Variants in RSPH4A observed in about 807,000 individuals in gnomAD.
The protein encoded by RSPH4A is radial spoke head protein 4 homolog A.
A neutral mutation model predicts 71.0 loss-of-function variants in RSPH4A; 47 were observed. That is an observed-to-expected ratio of 0.66 (90% CI 0.52 to 0.84). The LOEUF is 0.84. Among genes scored for constraint, RSPH4A ranks in the 40% least tolerant of loss-of-function variants. The probability of loss-of-function intolerance (pLI) is 0.00; values close to 1 mark genes in which losing one functional copy is unlikely to be tolerated. For synonymous variants in RSPH4A, 282 were observed against 302.3 expected (o/e 0.93, Z 0.70); for missense variants, 793 against 855.2 (o/e 0.93, Z 0.91).
In RSPH4A at chr6:116,616,524, A is replaced by G; in HGVS notation, c.-100A>G. Reference sequence around the variant, plus strand: ...CTCACAGAGCAACCAGGACCCAGAAATCGCTTAAGAGACCGCGGCAAAGTA... The same window carrying G: ...CTCACAGAGCAACCAGGACCCAGAAGTCGCTTAAGAGACCGCGGCAAAGTA... On this transcript the variant is annotated 5_prime_UTR_variant, in exon 1 of 6. Transcript: ENST00000229554. 1 of 1,044,460 alleles carries G rather than the reference A, an allele frequency of 9.6e-7. No individual in the cohort carries two copies. Among genetic ancestry groups the G allele is most frequent in the Non-Finnish European group, 1.5e-6 (1 of 688,676 alleles). The allele number at this position is 1,044,460 out of a possible 1,614,324, so 64.7% of individuals were successfully genotyped here.
At position 116,630,565 on chromosome 6, in the gene RSPH4A, C is replaced by G. The variant is rs1370698700; in HGVS notation, c.1916+13C>G. On this transcript the variant is annotated intron_variant, in intron 5 of 5. Coordinates refer to ENST00000229554, the MANE Select transcript of RSPH4A (RefSeq NM_001010892.3). ...TCTCCAATGGCAAGTAAGTATCTGA[C>G]CACTTACAAAGCCATTTCTGTGATT... The G allele has an allele frequency of 8.0e-7, 1 of 1,242,700 alleles. No individual in the cohort carries two copies. The highest frequency in any genetic ancestry group is 1.2e-5 in the South Asian group (1 of 83,646). The allele number at this position is 1,242,700 out of a possible 1,614,324, so 77.0% of individuals were successfully genotyped here.
chr6:116,632,426 A>G lies in RSPH4A; in HGVS notation c.2136A>G (p.Glu712=). The part of the protein sequence containing the change: ...NEESEEDEDE[E]DDYD ...AATCTGAGGAAGATGAAGATGAGGAAGATGATTATGACTAATAAACATAAA... is the reference window on the plus strand; with the variant it reads ...AATCTGAGGAAGATGAAGATGAGGAGGATGATTATGACTAATAAACATAAA... The change falls in exon 6 of 6, where the codon GAA becomes GAG. Residue 712 remains glutamate (E), a synonymous_variant. Coordinates refer to ENST00000229554, the MANE Select transcript of RSPH4A (RefSeq NM_001010892.3). The G allele has an allele frequency of 6.2e-7, 1 of 1,613,138 alleles. No individual in the cohort carries two copies. The highest frequency in any genetic ancestry group is 8.5e-7 in the Non-Finnish European group (1 of 1,179,524).
In RSPH4A at chr6:116,627,815, G is replaced by A; in HGVS notation, c.1108G>A (p.Glu370Lys). 1 of 1,614,156 alleles carries A rather than the reference G, an allele frequency of 6.2e-7. No individual in the cohort carries two copies. The highest frequency in any genetic ancestry group is 8.5e-7 in the Non-Finnish European group (1 of 1,180,026). The change falls in exon 3 of 6, where the codon GAA (glutamate) becomes AAA (lysine). Residue 370 changes from glutamate to lysine, a missense_variant. Coordinates refer to ENST00000229554, the MANE Select transcript of RSPH4A (RefSeq NM_001010892.3). ...LGLEMNYIVA[E>K]VEFREGEDEE... ...TCTGGAAATGAATTATATTGTAGCT[G>A]AAGTGGAATTTCGTGAGGGGGAAGA...
rs1775724216 is a variant in RSPH4A, at chr6:116,627,907, A to T, written c.1200A>T (p.Glu400Asp). Residue 400 changes from glutamate (E) to aspartate (D), a missense_variant, in exon 3 of 6, where the codon GAA becomes GAT. Physicochemically the swap from Glu to Asp is conservative, Grantham distance 45. Transcript: ENST00000229554. ...ERDNGESEAHEDEEDELPKSF... is the reference protein window; with the variant it reads ...ERDNGESEAHDDEEDELPKSF... ...ACAATGGAGAAAGTGAAGCTCATGA[A>T]GATGAGGAAGATGAATTACCAAAGT... is the stretch of plus-strand genomic sequence containing the variant. 5 of 1,613,822 alleles carry T rather than the reference A, an allele frequency of 3.1e-6. No homozygotes were observed. The highest frequency in any genetic ancestry group is 4.2e-6 in the Non-Finnish European group (5 of 1,179,818).
chr6:116,630,199 TTCTTG>T (rs1277844975), intron 4 of RSPH4A, among the ~76,000 whole-genome samples: 3 of 152,196 alleles, frequency 2.0e-5, no homozygotes, highest in African/African-American at 7.2e-5. Flanking sequence ...TTAATAAAAC[TTCTTG>T]TCTTGTTTGC....
In RSPH4A at chr6:116,616,791, A is replaced by G; in HGVS notation, c.168A>G (p.Arg56=). Residue 56 remains arginine (R), a synonymous_variant, in exon 1 of 6, where the codon CGA becomes CGG. Coordinates refer to ENST00000229554, the MANE Select transcript of RSPH4A (RefSeq NM_001010892.3). ...KQGPETGRQS[R]SSRPWSPQSR... Reference sequence around the variant, plus strand: ...GGCCAGAAACTGGACGCCAGTCCCGAAGCAGCCGTCCTTGGAGCCCGCAGT... The same window carrying G: ...GGCCAGAAACTGGACGCCAGTCCCGGAGCAGCCGTCCTTGGAGCCCGCAGT... 6.2e-7 allele frequency: 1 copy of G among 1,614,132 alleles called. No homozygotes were observed. Among genetic ancestry groups the G allele is most frequent in the Non-Finnish European group, 8.5e-7 (1 of 1,180,020 alleles).
intron 2 of RSPH4A, among the ~76,000 whole-genome samples, chr6:116,627,193 T>C (rs1406360889): frequency 6.6e-6 from 1 of 152,162 alleles, no homozygotes; most frequent in Non-Finnish European, 1.5e-5. Flanking sequence ...TATCATACTT[T>C]GACCTAAATC....
rs1775526511 is a variant in RSPH4A at position 116,617,308 on chromosome 6, C to T, written c.685C>T (p.Leu229=). Residue 229 remains leucine (L), a splice_region_variant and synonymous_variant, in exon 1 of 6, where the codon CTA becomes TTA. Transcript: ENST00000229554. ...LKTSSNSGFN[L]YDHLSNMLTK... is the part of the protein sequence containing the mutation. ...GACTAGCAGCAATTCGGGCTTTAAT[C>T]TGTAAGTCTCAGAGGGAAAAAAGAT... 1 of 1,608,590 alleles carries T rather than the reference C, an allele frequency of 6.2e-7. No individual in the cohort carries two copies. Among genetic ancestry groups the T allele is most frequent in the South Asian group, 1.1e-5 (1 of 90,584 alleles).
chr6:116,618,246 C>T (rs755786696), intron 1 of RSPH4A, among the ~76,000 whole-genome samples: 5 of 152,234 alleles, frequency 3.3e-5, no homozygotes, highest in African/African-American at 4.8e-5. Flanking sequence ...CAGAACTCAG[C>T]TTCCATGGAA....
Position 116,617,015 on chromosome 6 carries a change from C to T in RSPH4A, c.392C>T (p.Ser131Leu). Residue 131 changes from serine (S) to leucine (L), a missense_variant, in exon 1 of 6, where the codon TCA becomes TTA. Coordinates refer to ENST00000229554, the MANE Select transcript of RSPH4A (RefSeq NM_001010892.3). ...CCTTATCCTGATCCTTTGGAACAAT[C>T]ATCTGATAAAAGAGAATCAACTCCT... The part of the protein sequence containing the change: ...GTPYPDPLEQ[S>L]SDKRESTPHH... The T allele has an allele frequency of 1.2e-6, 2 of 1,614,220 alleles. No individual in the cohort carries two copies. The highest frequency in any genetic ancestry group is 8.5e-7 in the Non-Finnish European group (1 of 1,180,040).
rs544257023 is a variant in RSPH4A at position 116,625,028 on chromosome 6, G to T, written c.921+2026G>T. 3.3e-5 allele frequency among the ~76,000 whole-genome samples: 5 copies of T among 152,276 alleles called. No homozygotes were observed. In the South Asian group the frequency reaches 1.0e-3, roughly 32 times the overall value. On this transcript the variant is annotated intron_variant, in intron 2 of 5. Transcript: ENST00000229554. ...TAGCTTGCTAGTTGTGTGATTTTGAGCAAGAGGCTAAACTTTCCAAGCCTT... is the reference window on the plus strand; with the variant it reads ...TAGCTTGCTAGTTGTGTGATTTTGATCAAGAGGCTAAACTTTCCAAGCCTT...
At chr6:116,622,123 T>C (rs1445211139) in intron 1 of RSPH4A, among the ~76,000 whole-genome samples, 1 of 152,160 alleles carries the variant, frequency 6.6e-6, no homozygotes, top group Non-Finnish European at 1.5e-5. Context: ...TAATGGCTTT[T>C]TTTGTTGTGT....
At position 116,628,229 on chromosome 6, in the gene RSPH4A, G is replaced by A; in HGVS notation, c.1522G>A (p.Glu508Lys). Residue 508 changes from glutamate to lysine, a missense_variant, in exon 3 of 6, where the codon GAG (glutamate) becomes AAG (lysine). By Grantham distance (56) the Glu-to-Lys change is moderately conservative. Transcript: ENST00000229554. ...SPLGFYQFGEEEGEEEEEAEG... is the reference protein window; with the variant it reads ...SPLGFYQFGEKEGEEEEEAEG... ...TCTAGGATTTTATCAGTTTGGTGAAGAGGAAGGAGAGGAGGAGGAAGAGGC... is the reference window on the plus strand; with the variant it reads ...TCTAGGATTTTATCAGTTTGGTGAAAAGGAAGGAGAGGAGGAGGAAGAGGC... 1 of 1,613,054 alleles carries A rather than the reference G, an allele frequency of 6.2e-7. No individual in the cohort carries two copies. The highest frequency in any genetic ancestry group is 1.3e-5 in the African/African-American group (1 of 75,010).
Position 116,632,656 on chromosome 6 carries a change from G to A in RSPH4A, c.*215G>A, listed in dbSNP as rs1303360844. ...AAGATACTCACAGGATTTTCCAGAG[G>A]CTAAATAACATGCAATTGCATAATT... On this transcript the variant is annotated 3_prime_UTR_variant, in exon 6 of 6. Coordinates refer to ENST00000229554, the MANE Select transcript of RSPH4A (RefSeq NM_001010892.3). 5 of 564,184 alleles carry A rather than the reference G, an allele frequency of 8.9e-6. No individual in the cohort carries two copies. The highest frequency in any genetic ancestry group is 1.5e-5 in the Non-Finnish European group (5 of 328,584). 34.9% of individuals were successfully genotyped at this position (564,184 alleles called of 1,614,324 possible). A position where few individuals can be genotyped will look rare whatever the true frequency, so the allele number is the denominator to read the frequency against.
chr6:116,619,458 G>A (rs988485801), intron 1 of RSPH4A, among the ~76,000 whole-genome samples: 24 of 152,130 alleles, frequency 1.6e-4, no homozygotes, highest in African/African-American at 5.3e-4. Context: ...TGAGACTTAT[G>A]AGTCAGAAAC....
In RSPH4A at chr6:116,616,491, C is replaced by A; in HGVS notation, c.-133C>A. The A allele has an allele frequency of 1.3e-6, 1 of 789,894 alleles. No homozygotes were observed. Among genetic ancestry groups the A allele is most frequent in the Non-Finnish European group, 2.1e-6 (1 of 467,254 alleles). The allele number at this position is 789,894 out of a possible 1,614,324, so 48.9% of individuals were successfully genotyped here. A position where few individuals can be genotyped will look rare whatever the true frequency, so the allele number is the denominator to read the frequency against. On this transcript the variant is annotated 5_prime_UTR_variant, in exon 1 of 6. Transcript: ENST00000229554. The stretch of plus-strand genomic sequence containing the variant: ...GCCTGGGGTTGCTATGGAGATAGGA[C>A]GCAGCAACTCACAGAGCAACCAGGA...
chr6:116,622,833 T>A lies in RSPH4A; in HGVS notation c.752T>A (p.Ile251Asn). The stretch of plus-strand genomic sequence containing the variant: ...GAGCGTCCTGAAAATGCTGTTGACA[T>A]CTTTGAAAATATTAGCCAAGATGTG... The part of the protein sequence containing the change: ...LNERPENAVD[I>N]FENISQDVKM... Residue 251 changes from isoleucine to asparagine, a missense_variant, in exon 2 of 6, where the codon ATC (isoleucine) becomes AAC (asparagine). Transcript: ENST00000229554. 6.2e-7 allele frequency: 1 copy of A among 1,613,548 alleles called. No individual in the cohort carries two copies. The highest frequency in any genetic ancestry group is 8.5e-7 in the Non-Finnish European group (1 of 1,179,562).
At position 116,628,297 on chromosome 6, in the gene RSPH4A, A is replaced by G. The variant is rs1383390737; in HGVS notation, c.1590A>G (p.Glu530=). Residue 530 remains glutamate (E), a synonymous_variant, in exon 3 of 6, where the codon GAA becomes GAG. Transcript: ENST00000229554. ...GCTTTGAGGAAAACCCTGATTTTGA[A>G]GGCATCCAAGTGATTGATCTAGTAG... is the stretch of plus-strand genomic sequence containing the variant. The part of the protein sequence containing the change: ...RNSFEENPDF[E]GIQVIDLVES... 1 of 1,610,980 alleles carries G rather than the reference A, an allele frequency of 6.2e-7. No homozygotes were observed. Among genetic ancestry groups the G allele is most frequent in the African/African-American group, 1.3e-5 (1 of 74,724 alleles).
rs755128358 is a variant in RSPH4A at position 116,622,983 on chromosome 6, A to C, written c.902A>C (p.Gln301Pro). The C allele has an allele frequency of 1.4e-5, 22 of 1,605,858 alleles. No homozygotes were observed. In the Admixed American group the frequency reaches 2.2e-4, roughly 16 times the overall value. ...CAGGGACATTTGGAAGGAGTTGACC[A>C]AGAATTGGAAGATGAAATAGTAAGT... Reference protein sequence around the residue: ...FLQGHLEGVDQELEDEIAENA... With the variant: ...FLQGHLEGVDPELEDEIAENA... The change falls in exon 2 of 6, where the codon CAA becomes CCA. Residue 301 changes from glutamine to proline, a missense_variant. Gln to Pro is a moderately conservative substitution (Grantham distance 76). Coordinates refer to ENST00000229554, the MANE Select transcript of RSPH4A (RefSeq NM_001010892.3).
Sources: gnomAD v4.1 joint callset for allele counts (sites outside exome capture counted in the v4.1 genomes callset) on GRCh38, gnomAD v4.1.1 for gene constraint, MANE v1.5 for transcripts, NCBI Gene and HGNC (gene_info 2026-07-23, HGNC 2026-07-21) for gene names.